The following ST6GALNAC3 variants were observed in gnomAD, a reference collection of about 807,000 sequenced individuals.
ST6GALNAC3 encodes the protein alpha-N-acetylgalactosaminide alpha-2,6-sialyltransferase 3.
Under a neutral mutation model 32.7 loss-of-function variants are expected in ST6GALNAC3, and 25 were observed. The ratio of observed to expected loss-of-function variants is 0.76; its 90% confidence interval spans 0.56 to 1.07. The LOEUF is 1.07. Among genes scored for constraint, ST6GALNAC3 ranks in the 50% least tolerant of loss-of-function variants. The pLI, the probability that ST6GALNAC3 is intolerant of heterozygous loss-of-function variation, is 0.00. For missense variants in ST6GALNAC3, 355 were observed against 382.4 expected, an observed-to-expected ratio of 0.93 and a Z score of 0.60; for synonymous variants, 129 against 133.1, an observed-to-expected ratio of 0.97 and a Z score of 0.21.
chr1:76,345,218 T>C (rs886780348), intron 2 of ST6GALNAC3, among the ~76,000 whole-genome samples: 1 of 152,204 alleles, frequency 6.6e-6, no homozygotes, highest in East Asian at 1.9e-4. Context: ...TGTCTTCATT[T>C]GCCTCTTTAC....
intron 2 of ST6GALNAC3, among the ~76,000 whole-genome samples, chr1:76,339,287 A>T (rs1191596737): frequency 6.6e-6 from 1 of 152,152 alleles, no homozygotes; most frequent in Non-Finnish European, 1.5e-5. Context: ...GAAGATGAAG[A>T]CAGGGGAGTC....
intron 1 of ST6GALNAC3, among the ~76,000 whole-genome samples, chr1:76,134,684 A>T (rs1358602962): frequency 6.6e-6 from 1 of 152,122 alleles, no homozygotes; most frequent in Non-Finnish European, 1.5e-5. Context: ...AAGGTGCAGC[A>T]CCTGAACTCC....
chr1:76,089,857 A>G (rs1180105112), intron 1 of ST6GALNAC3, among the ~76,000 whole-genome samples: 1 of 152,082 alleles, frequency 6.6e-6, no homozygotes, highest in African/African-American at 2.4e-5. Flanking sequence ...TTGAGCACCT[A>G]CAATGTGGCA....
chr1:76,154,515 C>G (rs1258914672), intron 1 of ST6GALNAC3, among the ~76,000 whole-genome samples: 1 of 152,182 alleles, frequency 6.6e-6, no homozygotes, highest in African/African-American at 2.4e-5. Flanking sequence ...TGAAGCACAG[C>G]CACTGCTTGT....
chr1:76,340,772 C>A (rs564832759), intron 2 of ST6GALNAC3, among the ~76,000 whole-genome samples: 37 of 151,922 alleles, frequency 2.4e-4, no homozygotes, highest in Non-Finnish European at 4.0e-4. Flanking sequence ...AGAAGGCTTC[C>A]CCTGGAAGCT....
intron 2 of ST6GALNAC3, among the ~76,000 whole-genome samples, chr1:76,400,649 G>A (rs1365559668): frequency 6.6e-6 from 1 of 152,078 alleles, no homozygotes; most frequent in Non-Finnish European, 1.5e-5. Flanking sequence ...CACTTTGGGA[G>A]GCTGAGGCAG....
intron 3 of ST6GALNAC3, among the ~76,000 whole-genome samples, chr1:76,483,835 C>G (rs1253076083): frequency 6.6e-6 from 1 of 152,046 alleles, no homozygotes; most frequent in Non-Finnish European, 1.5e-5. Flanking sequence ...AGTTTTCTTC[C>G]AGGGTTTTTA....
intron 3 of ST6GALNAC3, among the ~76,000 whole-genome samples, chr1:76,443,925 T>C (rs1199723008): frequency 6.6e-6 from 1 of 152,246 alleles, no homozygotes; most frequent in Non-Finnish European, 1.5e-5. Flanking sequence ...GGCATTCTAA[T>C]AACTGTTAGT....
chr1:76,131,849 G>A (rs934933918), intron 1 of ST6GALNAC3, among the ~76,000 whole-genome samples: 7 of 152,140 alleles, frequency 4.6e-5, no homozygotes, highest in African/African-American at 1.7e-4. Flanking sequence ...CTCTGGGTAG[G>A]TGCAGTGCAT....
intron 2 of ST6GALNAC3, among the ~76,000 whole-genome samples, chr1:76,323,076 A>T (rs1469882664): frequency 6.6e-6 from 1 of 152,192 alleles, no homozygotes; most frequent in Non-Finnish European, 1.5e-5. Flanking sequence ...TAATATGTGT[A>T]TTTGAGTATT....
chr1:76,463,607 A>G lies in ST6GALNAC3; in HGVS notation c.623+51190A>G, dbSNP rs116162309. Among the ~76,000 whole-genome samples, 938 of 152,208 alleles carry G rather than the reference A, an allele frequency of 6.2e-3. 8 individuals carry two copies. Among genetic ancestry groups the G allele is most frequent in the African/African-American group, 0.022 (898 of 41,532 alleles). On this transcript the variant is annotated intron_variant, in intron 3 of 4. Coordinates refer to ENST00000328299, the MANE Select transcript of ST6GALNAC3 (RefSeq NM_152996.4). ...TTGAGTGCTTACTCTGAGCTAGCCA[A>G]TTGTTGTACCCTGGGGTTATAAAAA...
intron 3 of ST6GALNAC3, among the ~76,000 whole-genome samples, chr1:76,439,016 G>A (rs1003027265): frequency 5.9e-5 from 9 of 152,216 alleles, no homozygotes; most frequent in African/African-American, 2.2e-4. Context: ...GTGATGTTAT[G>A]ATGAGTTAAA....
intron 4 of ST6GALNAC3, 51 bp downstream of exon 4, chr1:76,627,610 C>A: frequency 8.1e-7 from 1 of 1,228,180 alleles, no homozygotes; most frequent in Non-Finnish European, 1.2e-6. Flanking sequence ...GAGATCTTGT[C>A]AAAATATCAC....
At chr1:76,286,506 T>C (rs1182334958) in intron 1 of ST6GALNAC3, among the ~76,000 whole-genome samples, 4 of 152,140 alleles carry the variant, frequency 2.6e-5, no homozygotes, top group Non-Finnish European at 5.9e-5. Context: ...TGCTAGAGAG[T>C]AGGCCTCCTC....
intron 2 of ST6GALNAC3, among the ~76,000 whole-genome samples, chr1:76,411,064 C>A (rs895196459): frequency 6.6e-6 from 1 of 152,012 alleles, no homozygotes; most frequent in East Asian, 1.9e-4. Flanking sequence ...AGATGTATAT[C>A]AAAAAAGCAC....
In ST6GALNAC3 at chr1:76,278,223, C is replaced by CTT. The variant is rs568694243; in HGVS notation, c.19-35568_19-35567dup. On this transcript the variant is annotated intron_variant, in intron 1 of 4. Transcript: ENST00000328299. ...TGTATTCTCATTATTGCTAGGCATT[C>CTT]TTTTTTTTTTTTTTTGAGATGGAGT... is the stretch of plus-strand genomic sequence containing the variant. Among the ~76,000 whole-genome samples, 140 of 113,756 alleles carry CTT rather than the reference C, an allele frequency of 1.2e-3. 2 individuals are homozygous for CTT. The highest frequency in any genetic ancestry group is 8.9e-3 in the Middle Eastern group (2 of 224). The allele number at this position is 113,756 out of a possible 152,430, so 74.6% of individuals were successfully genotyped here.
At chr1:76,077,929 G>T (rs967154730) in intron 1 of ST6GALNAC3, among the ~76,000 whole-genome samples, 2 of 152,148 alleles carry the variant, frequency 1.3e-5, no homozygotes, top group African/African-American at 2.4e-5. Context: ...ATGGCTTATG[G>T]TTTAGTAAGG....
intron 2 of ST6GALNAC3, among the ~76,000 whole-genome samples, chr1:76,387,265 C>G (rs951186847): frequency 1.3e-5 from 2 of 152,110 alleles, no homozygotes; most frequent in African/African-American, 2.4e-5. Context: ...TAAATGTAAG[C>G]TCCCTGAGGA....
At chr1:76,154,334 C>A (rs910202807) in intron 1 of ST6GALNAC3, among the ~76,000 whole-genome samples, 2 of 152,098 alleles carry the variant, frequency 1.3e-5, no homozygotes, top group South Asian at 2.1e-4. Context: ...TTAAAGCAAT[C>A]GTACTGGGGA....
Sources: gnomAD v4.1 joint callset for allele counts (sites outside exome capture counted in the v4.1 genomes callset) on GRCh38, gnomAD v4.1.1 for gene constraint, MANE v1.5 for transcripts, NCBI Gene and HGNC (gene_info 2026-07-23, HGNC 2026-07-21) for gene names.